RSPO2: variants seen among roughly 807,000 people sequenced by gnomAD.
RSPO2 encodes R-spondin 2, also known as R-spondin-2.
Under a neutral mutation model 30.9 loss-of-function variants are expected in RSPO2, and 14 were observed. That is an observed-to-expected ratio of 0.45 (90% CI 0.30 to 0.71). The LOEUF (loss-of-function observed/expected upper bound fraction) is 0.71. Among genes scored for constraint, RSPO2 ranks in the 30% least tolerant of loss-of-function variants. The pLI, the probability that RSPO2 is intolerant of heterozygous loss-of-function variation, is 0.08. For missense variants in RSPO2, 264 were observed against 301.9 expected, an observed-to-expected ratio of 0.87 and a Z score of 0.93; for synonymous variants, 107 against 96.4, an observed-to-expected ratio of 1.11 and a Z score of -0.64.
chr8:107,999,815 CAAAA>C (rs3046257), intron 2 of RSPO2, among the ~76,000 whole-genome samples: 17 of 149,040 alleles, frequency 1.1e-4, no homozygotes, highest in African/African-American at 4.1e-4. Context: ...TAATATCTTC[CAAAA>C]AAAAAAAATG....
intron 2 of RSPO2, among the ~76,000 whole-genome samples, chr8:108,034,365 A>G (rs995369430): frequency 1.3e-5 from 2 of 152,188 alleles, no homozygotes; most frequent in Non-Finnish European, 2.9e-5. Flanking sequence ...GTGGGTATTC[A>G]GTGACCCTGA....
At chr8:108,061,310 C>T (rs1812455453) in intron 2 of RSPO2, among the ~76,000 whole-genome samples, 1 of 151,724 alleles carries the variant, frequency 6.6e-6, no homozygotes, top group Non-Finnish European at 1.5e-5. Flanking sequence ...CAGAGACACA[C>T]ATGGGCTCAA....
Position 107,983,746 on chromosome 8 carries a change from T to C in RSPO2, c.283+5310A>G, listed in dbSNP as rs1814530969. 7 of 1,596,164 alleles carry C rather than the reference T, an allele frequency of 4.4e-6. No homozygotes were observed. In the East Asian group the frequency reaches 1.6e-4, roughly 36 times the overall value. On this transcript the variant is annotated intron_variant, in intron 3 of 5. Transcript: ENST00000276659. ...AAGGCCAGACTTCTAAAAGGTCCAA[T>C]AGAAAAGGAGCTGGATGTAGATGCT...
chr8:107,992,070 A>C (rs1749248914), intron 2 of RSPO2, among the ~76,000 whole-genome samples: 1 of 152,072 alleles, frequency 6.6e-6, no homozygotes, highest in African/African-American at 2.4e-5. Flanking sequence ...TTCTATTATA[A>C]AGACACATAC....
intron 5 of RSPO2, among the ~76,000 whole-genome samples, chr8:107,924,424 T>C (rs967245060): frequency 2.6e-5 from 4 of 152,030 alleles, no homozygotes; most frequent in African/African-American, 9.7e-5. Flanking sequence ...TTAAACTCTT[T>C]GAAAGTCCGT....
intron 3 of RSPO2, among the ~76,000 whole-genome samples, chr8:107,971,032 C>A (rs1020950369): frequency 6.6e-6 from 1 of 152,174 alleles, no homozygotes; most frequent in African/African-American, 2.4e-5. Flanking sequence ...TATTAACTGC[C>A]TCGCAGGATT....
chr8:108,054,106 A>G (rs1016341209), intron 2 of RSPO2, among the ~76,000 whole-genome samples: 1 of 152,174 alleles, frequency 6.6e-6, no homozygotes, highest in Non-Finnish European at 1.5e-5. Context: ...TCTCCTGGGC[A>G]CTGGTGATAC....
chr8:107,977,029 TAGGGA>T (rs1337637083), intron 3 of RSPO2, among the ~76,000 whole-genome samples: 1 of 151,974 alleles, frequency 6.6e-6, no homozygotes, highest in Non-Finnish European at 1.5e-5. Flanking sequence ...AGAAAAAAGT[TAGGGA>T]AGGGGAGAGA....
intron 5 of RSPO2, among the ~76,000 whole-genome samples, chr8:107,905,536 T>TAA (rs1811609765): frequency 6.6e-6 from 1 of 152,078 alleles, no homozygotes; most frequent in Non-Finnish European, 1.5e-5. Flanking sequence ...TGTAATGCTC[T>TAA]AACTTGAAAC....
chr8:108,029,425 A>AG (rs933742892), intron 2 of RSPO2, among the ~76,000 whole-genome samples: 3 of 152,174 alleles, frequency 2.0e-5, no homozygotes, highest in African/African-American at 7.2e-5. Flanking sequence ...TAAATACCAT[A>AG]GCAAAATGCA....
At chr8:108,071,053 G>A (rs530038627) in intron 2 of RSPO2, among the ~76,000 whole-genome samples, 1 of 152,104 alleles carries the variant, frequency 6.6e-6, no homozygotes, top group Admixed American at 6.5e-5. Flanking sequence ...AACAAAAAAC[G>A]ACTGCTTGAT....
chr8:108,073,925 T>C (rs1812930515), intron 2 of RSPO2, among the ~76,000 whole-genome samples: 1 of 152,352 alleles, frequency 6.6e-6, no homozygotes, highest in East Asian at 1.9e-4. Flanking sequence ...TTTGGCATCA[T>C]GCTAATTTGG....
Position 107,901,071 on chromosome 8 carries a change from T to G in RSPO2, c.*4A>C, listed in dbSNP as rs781020416. 1.9e-6 allele frequency: 3 copies of G among 1,610,508 alleles called. No homozygotes were observed. Among genetic ancestry groups the G allele is most frequent in the Non-Finnish European group, 2.5e-6 (3 of 1,179,242 alleles). On this transcript the variant is annotated 3_prime_UTR_variant, in exon 6 of 6. Coordinates refer to ENST00000276659, the MANE Select transcript of RSPO2 (RefSeq NM_178565.5). ...ACCCCTAAAAATCTACCGGATCTCT[T>G]GTTTTATTGGTTAGCTCTGTCTGTA...
chr8:108,065,271 A>G (rs1812627250), intron 2 of RSPO2, among the ~76,000 whole-genome samples: 1 of 150,232 alleles, frequency 6.7e-6, no homozygotes, highest in South Asian at 2.1e-4. Context: ...TACATTCTGC[A>G]CATGTATCTC....
intron 5 of RSPO2, among the ~76,000 whole-genome samples, chr8:107,919,131 T>A (rs1199211288): frequency 6.6e-6 from 1 of 152,146 alleles, no homozygotes; most frequent in Non-Finnish European, 1.5e-5. Flanking sequence ...TCACTCCTCT[T>A]ACCTTGGGGT....
intron 5 of RSPO2, among the ~76,000 whole-genome samples, chr8:107,903,831 C>T (rs1811552346): frequency 6.6e-6 from 1 of 151,808 alleles, no homozygotes; most frequent in African/African-American, 2.4e-5. Flanking sequence ...ATTGCAAATA[C>T]CGAGGAATTA....
chr8:108,064,036 G>T (rs1812572830), intron 2 of RSPO2, among the ~76,000 whole-genome samples: 1 of 152,092 alleles, frequency 6.6e-6, no homozygotes, highest in Admixed American at 6.6e-5. Flanking sequence ...ATTCAAGATG[G>T]ATTAAAGACT....
intron 3 of RSPO2, among the ~76,000 whole-genome samples, chr8:107,965,535 C>A (rs544881225): frequency 6.6e-6 from 1 of 152,224 alleles, no homozygotes; most frequent in Admixed American, 6.5e-5. Context: ...CCAGAGGGGT[C>A]CACGTGGCAC....
intron 2 of RSPO2, among the ~76,000 whole-genome samples, chr8:108,008,001 C>A (rs1401948127): frequency 1.3e-5 from 2 of 152,098 alleles, no homozygotes; most frequent in Admixed American, 6.6e-5. Flanking sequence ...AAGAAAAAAA[C>A]AGAGCTAATC....
Sources: allele counts gnomAD v4.1 joint callset (sites outside exome capture counted in the v4.1 genomes callset), GRCh38; gene constraint gnomAD v4.1.1; transcripts MANE v1.5; gene names NCBI Gene and HGNC (gene_info 2026-07-23, HGNC 2026-07-21).